TTC7A: variants seen among roughly 807,000 people sequenced by gnomAD.
The protein encoded by TTC7A is tetratricopeptide repeat domain 7A.
A neutral mutation model predicts 103.7 loss-of-function variants in TTC7A; 110 were observed. The ratio of observed to expected loss-of-function variants is 1.06; its 90% CI spans 0.91 to 1.24. The LOEUF (loss-of-function observed/expected upper bound fraction) is 1.24. TTC7A is among the 50% of genes most tolerant of loss of function. The pLI is 0.00. For synonymous variants in TTC7A, 521 were observed against 467.9 expected (o/e 1.11, Z -1.47); for missense variants, 1,340 against 1,116.3 (o/e 1.20, Z -2.86).
chr2:46,985,874 A>G (rs1468113272), intron 5 of TTC7A, among the ~76,000 whole-genome samples: 1 of 152,236 alleles, frequency 6.6e-6, no homozygotes, highest in Non-Finnish European at 1.5e-5. Context: ...ACCTTAGCCC[A>G]GGGTTTCTCA....
chr2:47,001,732 G>A (rs1200368164), intron 8 of TTC7A, among the ~76,000 whole-genome samples: 1 of 152,022 alleles, frequency 6.6e-6, no homozygotes, highest in East Asian at 1.9e-4. Context: ...GGTGGTGGGT[G>A]CCTGTAATCC....
chr2:47,015,237 G>A (rs767090904), intron 11 of TTC7A, among the ~76,000 whole-genome samples: 1 of 152,238 alleles, frequency 6.6e-6, no homozygotes, highest in African/African-American at 2.4e-5. Context: ...AGGAAAGAGA[G>A]ATGTAAATAT....
chr2:46,996,206 G>C (rs1016469422), intron 8 of TTC7A, among the ~76,000 whole-genome samples: 18 of 152,222 alleles, frequency 1.2e-4, no homozygotes, highest in South Asian at 2.1e-4. Flanking sequence ...TGGTCCAAAG[G>C]GGGCACAGGA....
At chr2:46,959,097 C>T (rs1672158374) in intron 3 of TTC7A, among the ~76,000 whole-genome samples, 1 of 152,186 alleles carries the variant, frequency 6.6e-6, no homozygotes, top group Admixed American at 6.5e-5. Context: ...GGATTTGAAC[C>T]CAGGCAGCTG....
chr2:47,064,492 AGAATGC>A (rs1217290308), intron 19 of TTC7A, among the ~76,000 whole-genome samples: 1 of 152,228 alleles, frequency 6.6e-6, no homozygotes, highest in Non-Finnish European at 1.5e-5. Flanking sequence ...AGGCCCTCCC[AGAATGC>A]GCAGGAGTCG....
chr2:47,071,920 T>G (rs1029180226), intron 19 of TTC7A, among the ~76,000 whole-genome samples: 2 of 152,260 alleles, frequency 1.3e-5, no homozygotes, highest in African/African-American at 4.8e-5. Context: ...CCTGGCCCTC[T>G]CTGGGAGGCC....
intron 1 of TTC7A, 117 bp from the exon 2 acceptor site, chr2:46,950,246 G>A: frequency 9.8e-7 from 1 of 1,020,512 alleles, no homozygotes; most frequent in Non-Finnish European, 1.4e-6. Context: ...TATTTTCTCA[G>A]ACCTGAGCCA....
chr2:46,968,734 A>C (rs1025361271), intron 3 of TTC7A, among the ~76,000 whole-genome samples: 1 of 152,144 alleles, frequency 6.6e-6, no homozygotes, highest in African/African-American at 2.4e-5. Flanking sequence ...AAAAGGCATT[A>C]TCTCCATTAT....
chr2:47,001,438 G>T (rs1676792587), intron 8 of TTC7A, among the ~76,000 whole-genome samples: 1 of 152,206 alleles, frequency 6.6e-6, no homozygotes, highest in Non-Finnish European at 1.5e-5. Flanking sequence ...CTTATGCAAG[G>T]TAGTTCATCT....
chr2:47,051,854 C>T lies in TTC7A; in HGVS notation c.2126C>T (p.Thr709Met), dbSNP rs376309617. 69 of 1,611,512 alleles carry T rather than the reference C, an allele frequency of 4.3e-5. No individual in the cohort carries two copies. Among genetic ancestry groups the T allele is most frequent in the Middle Eastern group, 2.0e-4 (1 of 4,898 alleles). ...LKQGPMQLWT[T>M]LEQIWLQAAE... Reference sequence around the variant, plus strand: ...CAGGGCCCCATGCAGCTGTGGACCACGCTGGAACAGATCTGGCTGCAGGCT... The same window carrying T: ...CAGGGCCCCATGCAGCTGTGGACCATGCTGGAACAGATCTGGCTGCAGGCT... Residue 709 changes from threonine (T) to methionine (M), a missense_variant, in exon 18 of 20, where the codon ACG (threonine) becomes ATG (methionine). Physicochemically the swap from Thr to Met is moderately conservative, Grantham distance 81 (BLOSUM62 -1). Coordinates refer to ENST00000319190, the MANE Select transcript of TTC7A (RefSeq NM_020458.4).
chr2:46,989,550 C>G (rs990155713), intron 5 of TTC7A, among the ~76,000 whole-genome samples: 36 of 152,008 alleles, frequency 2.4e-4, no homozygotes, highest in Non-Finnish European at 7.4e-5. Context: ...GAGGGGCATT[C>G]TCAGGTCAGT....
At chr2:47,008,871 G>A (rs575971127) in intron 10 of TTC7A, among the ~76,000 whole-genome samples, 1 of 151,514 alleles carries the variant, frequency 6.6e-6, no homozygotes, top group South Asian at 2.1e-4. Context: ...TGCGGCAATT[G>A]CATTGGCTGT....
intron 14 of TTC7A, among the ~76,000 whole-genome samples, chr2:47,025,686 C>T (rs915332225): frequency 3.3e-5 from 5 of 152,208 alleles, no homozygotes; most frequent in Admixed American, 1.3e-4. Flanking sequence ...TTCTCCCCAA[C>T]GGCCCTGATG....
At position 47,050,009 on chromosome 2, in the gene TTC7A, G is replaced by A; in HGVS notation, c.1980G>A (p.Met660Ile). Residue 660 changes from methionine (M) to isoleucine (I), a missense_variant, in exon 17 of 20, where the codon ATG (methionine) becomes ATA (isoleucine). Physicochemically the swap from Met to Ile is conservative, Grantham distance 10 (BLOSUM62 1). Coordinates refer to ENST00000319190, the MANE Select transcript of TTC7A (RefSeq NM_020458.4). ...TCACCATGAAGAAGCAGAGTGGCAT[G>A]CACCTGACTTTGCCTGATGCCCATG... Reference protein sequence around the residue: ...EGLTMKKQSGMHLTLPDAHDA... With the variant: ...EGLTMKKQSGIHLTLPDAHDA... The A allele has an allele frequency of 6.2e-7, 1 of 1,614,176 alleles. No individual in the cohort carries two copies. Among genetic ancestry groups the A allele is most frequent in the Non-Finnish European group, 8.5e-7 (1 of 1,180,028 alleles).
At chr2:47,046,087 C>T (rs1385980069) in intron 15 of TTC7A, among the ~76,000 whole-genome samples, 1 of 152,212 alleles carries the variant, frequency 6.6e-6, no homozygotes, top group Non-Finnish European at 1.5e-5. Context: ...TGGGCACTGA[C>T]AATGCTTCAT....
At chr2:47,071,007 G>C (rs919030691) in intron 19 of TTC7A, 2 of 152,230 alleles carry the variant, frequency 1.3e-5, no homozygotes, top group Non-Finnish European at 2.9e-5. Flanking sequence ...GGGACATTTG[G>C]ATGAAATTGA....
In TTC7A at chr2:46,979,056, G is replaced by C. The variant is rs528593808; in HGVS notation, c.764+149G>C. ...TGGGAACTGGCTTGTGTCACATCTTGTCAGACAGGAGTGTGCAGAGACGTT... is the reference window on the plus strand; with the variant it reads ...TGGGAACTGGCTTGTGTCACATCTTCTCAGACAGGAGTGTGCAGAGACGTT... On this transcript the variant is annotated intron_variant, in intron 5 of 19. Transcript: ENST00000319190. The C allele has an allele frequency of 1.7e-5, 10 of 600,102 alleles. No homozygotes were observed. In the African/African-American group the frequency reaches 1.7e-4, roughly 10 times the overall value. The allele number at this position is 600,102 out of a possible 1,614,324, so 37.2% of individuals were successfully genotyped here.
Position 47,029,251 on chromosome 2 carries a change from G to T in TTC7A, c.1669G>T (p.Glu557Ter). Reference protein sequence around the residue: ...QISSAMEQLQEALKVRKDDAH... With the variant: ...QISSAMEQLQ ...CTCCAGTGCCATGGAGCAGCTGCAG[G>T]AGGCCCTGAAGGTACGCAAGGATGA... The change falls in exon 15 of 20, where the codon GAG becomes TAG. Residue 557 changes from glutamate (E) to a stop codon, truncating the protein, a stop_gained. Coordinates refer to ENST00000319190, the MANE Select transcript of TTC7A (RefSeq NM_020458.4). LOFTEE classifies it high-confidence loss of function. 1.2e-6 allele frequency: 2 copies of T among 1,613,956 alleles called. No homozygotes were observed. Among genetic ancestry groups the T allele is most frequent in the Non-Finnish European group, 1.7e-6 (2 of 1,180,026 alleles).
chr2:47,057,438 G>C (rs931135096), intron 18 of TTC7A, among the ~76,000 whole-genome samples: 2 of 152,230 alleles, frequency 1.3e-5, no homozygotes, highest in Non-Finnish European at 2.9e-5. Context: ...CGAGGCAAGA[G>C]GGATTGGGAT....
Sources: allele counts gnomAD v4.1 joint callset (sites outside exome capture counted in the v4.1 genomes callset), GRCh38; gene constraint gnomAD v4.1.1; transcripts MANE v1.5; gene names NCBI Gene and HGNC (gene_info 2026-07-23, HGNC 2026-07-21).